The following OTUD7A variants were observed in gnomAD, a reference collection of about 807,000 sequenced individuals.
OTUD7A encodes the protein OTU domain-containing protein 7A.
OTUD7A carries 12 observed loss-of-function variants against 65.7 expected under a neutral mutation model. That is an observed-to-expected ratio of 0.18 (90% CI 0.12 to 0.30). The LOEUF is 0.30. OTUD7A is among the 10% of genes least tolerant of loss of function. The pLI is 1.00. For missense variants in OTUD7A, 1,148 were observed against 1,304.8 expected, an observed-to-expected ratio of 0.88 and a Z score of 1.85; for synonymous variants, 641 against 586.3, an observed-to-expected ratio of 1.09 and a Z score of -1.35.
chr15:31,815,222 C>T (rs1374057610), intron 1 of OTUD7A, among the ~76,000 whole-genome samples: 1 of 152,184 alleles, frequency 6.6e-6, no homozygotes, highest in East Asian at 1.9e-4. Flanking sequence ...GACGTTTGTG[C>T]TGCTGTAGCC....
At chr15:31,855,782 A>C (rs975564453) in intron 1 of OTUD7A, among the ~76,000 whole-genome samples, 7 of 152,238 alleles carry the variant, frequency 4.6e-5, no homozygotes, top group Non-Finnish European at 1.0e-4. Flanking sequence ...CCCTAAATAC[A>C]CAGTAGTTTG....
At chr15:31,694,586 T>A (rs1198619812) in intron 1 of OTUD7A, among the ~76,000 whole-genome samples, 1 of 152,170 alleles carries the variant, frequency 6.6e-6, no homozygotes, top group Non-Finnish European at 1.5e-5. Flanking sequence ...CCTGCCTAAA[T>A]GAAATTTGTA....
chr15:31,668,811 T>C (rs1264603473), intron 1 of OTUD7A, among the ~76,000 whole-genome samples: 1 of 152,234 alleles, frequency 6.6e-6, no homozygotes, highest in Non-Finnish European at 1.5e-5. Flanking sequence ...GGCTGCAGGC[T>C]GTTGTTCAGA....
At chr15:31,557,072 G>A (rs548619284) in intron 5 of OTUD7A, 1 of 152,266 alleles carries the variant, frequency 6.6e-6, no homozygotes, top group Non-Finnish European at 1.5e-5. Context: ...AGATCCAGCT[G>A]TTGGGAATGT....
chr15:31,672,202 T>C (rs1348175780), intron 1 of OTUD7A, among the ~76,000 whole-genome samples: 4 of 152,344 alleles, frequency 2.6e-5, no homozygotes, highest in Non-Finnish European at 5.9e-5. Context: ...CCATTCGATA[T>C]CTGAAGGTTG....
At chr15:31,817,083 G>A (rs1267355388) in intron 1 of OTUD7A, among the ~76,000 whole-genome samples, 1 of 152,052 alleles carries the variant, frequency 6.6e-6, no homozygotes, top group Non-Finnish European at 1.5e-5. Context: ...TCTTGGGCAC[G>A]CCATCATGCT....
chr15:31,683,161 C>A (rs1234431742), intron 1 of OTUD7A, among the ~76,000 whole-genome samples: 1 of 152,164 alleles, frequency 6.6e-6, no homozygotes, highest in African/African-American at 2.4e-5. Context: ...GGACTACTTA[C>A]ACATGTCAGC....
At chr15:31,636,314 G>C (rs1201084925) in intron 3 of OTUD7A, among the ~76,000 whole-genome samples, 1 of 152,164 alleles carries the variant, frequency 6.6e-6, no homozygotes, top group Non-Finnish European at 1.5e-5. Context: ...CTGTTATAGT[G>C]ATCTGTGCTC....
chr15:31,612,534 C>A (rs953927049), intron 3 of OTUD7A, among the ~76,000 whole-genome samples: 6 of 152,068 alleles, frequency 3.9e-5, no homozygotes, highest in African/African-American at 1.4e-4. Context: ...AAGAACTCAA[C>A]CCCTTTTACA....
chr15:31,688,574 T>C (rs1892894189), intron 1 of OTUD7A, among the ~76,000 whole-genome samples: 1 of 152,164 alleles, frequency 6.6e-6, no homozygotes, highest in Non-Finnish European at 1.5e-5. Flanking sequence ...ATCAGGGGTA[T>C]CTGGGTAGGG....
intron 3 of OTUD7A, among the ~76,000 whole-genome samples, chr15:31,613,190 T>A (rs769336038): frequency 4.6e-5 from 7 of 152,154 alleles, no homozygotes; most frequent in Non-Finnish European, 8.8e-5. Context: ...ACTATAAAAA[T>A]TCTAGAAGAT....
chr15:31,843,478 AT>A (rs978880017), intron 1 of OTUD7A, among the ~76,000 whole-genome samples: 2 of 152,142 alleles, frequency 1.3e-5, no homozygotes, highest in African/African-American at 4.8e-5. Flanking sequence ...AAAATGTATC[AT>A]TTTGAAATGA....
rs1331873807 is a variant in OTUD7A, at chr15:31,589,618, G to C, written c.152-19421C>G. ...ATGCCCACCTGTATTTTCTCATTTT[G>C]TTTGCATTTTTTCAATGAATTTATA... On this transcript the variant is annotated intron_variant, in intron 3 of 12. Coordinates refer to ENST00000307050, the MANE Select transcript of OTUD7A (RefSeq NM_001382637.1). 2.6e-5 allele frequency among the ~76,000 whole-genome samples: 4 copies of C among 151,862 alleles called. 1 individual carries two copies. The Middle Eastern group carries it at 0.014, about 517-fold the overall frequency.
intron 3 of OTUD7A, among the ~76,000 whole-genome samples, chr15:31,621,094 T>C (rs967678851): frequency 1.3e-5 from 2 of 151,470 alleles, no homozygotes; most frequent in African/African-American, 4.9e-5. Flanking sequence ...AGTTTCTTAG[T>C]CCTGAGTACT....
chr15:31,694,982 A>G (rs2141321584), intron 1 of OTUD7A, among the ~76,000 whole-genome samples: 1 of 151,950 alleles, frequency 6.6e-6, no homozygotes, highest in East Asian at 1.9e-4. Flanking sequence ...AGTAGCTGGG[A>G]CTACAGGCAC....
At chr15:31,721,798 C>G (rs1224986546) in intron 1 of OTUD7A, among the ~76,000 whole-genome samples, 1 of 152,178 alleles carries the variant, frequency 6.6e-6, no homozygotes, top group African/African-American at 2.4e-5. Flanking sequence ...ACCAGGGATG[C>G]CTGCTCCTCA....
intron 6 of OTUD7A, among the ~76,000 whole-genome samples, chr15:31,529,803 A>G (rs1261674657): frequency 6.6e-6 from 1 of 152,188 alleles, no homozygotes; most frequent in Non-Finnish European, 1.5e-5. Context: ...ACCCAGTTAA[A>G]GCCATGTTTG....
intron 6 of OTUD7A, among the ~76,000 whole-genome samples, chr15:31,528,752 CCCCACAATCCTAG>C (rs2042048718): frequency 6.6e-6 from 1 of 152,242 alleles, no homozygotes; most frequent in Non-Finnish European, 1.5e-5. Flanking sequence ...TCTATATGTG[CCCCACAATCCTAG>C]CTCAACGTCA....
intron 1 of OTUD7A, among the ~76,000 whole-genome samples, chr15:31,796,778 A>T (rs970304787): frequency 5.3e-5 from 8 of 152,204 alleles, no homozygotes; most frequent in African/African-American, 1.9e-4. Context: ...TCTGTTGCCC[A>T]GTCTGGAGTA....
Sources: allele counts gnomAD v4.1 joint callset (sites outside exome capture counted in the v4.1 genomes callset), GRCh38; gene constraint gnomAD v4.1.1; transcripts MANE v1.5; gene names NCBI Gene and HGNC (gene_info 2026-07-23, HGNC 2026-07-21).